Variants in EIF2D observed in about 807,000 individuals in gnomAD.
The protein encoded by EIF2D is hepatocellular carcinoma-associated antigen 56.
EIF2D carries 56 observed loss-of-function variants against 77.4 expected under a neutral mutation model. The observed-to-expected ratio is 0.72, with a 90% CI of 0.58 to 0.90. The LOEUF (loss-of-function observed/expected upper bound fraction) is 0.90. Among genes scored for constraint, EIF2D ranks in the 40% least tolerant of loss-of-function variants. EIF2D has a pLI of 0.00. For synonymous variants in EIF2D, 230 were observed against 271.0 expected, an observed-to-expected ratio of 0.85 and a Z score of 1.49; for missense variants, 574 against 706.5, an observed-to-expected ratio of 0.81 and a Z score of 2.13.
chr1:206,579,073 A>G lies in EIF2D; in HGVS notation c.*254+1619T>C, dbSNP rs1668767971. Reference sequence around the variant, plus strand: ...AACCCCTAGCACCCAGCCTCTTTACATGGCTGTTCCCCAATCACCTCCAGA... The same window carrying G: ...AACCCCTAGCACCCAGCCTCTTTACGTGGCTGTTCCCCAATCACCTCCAGA... On this transcript the variant is annotated intron_variant and NMD_transcript_variant, in intron 4 of 5. Coordinates refer to the EIF2D transcript ENST00000472709. The surrounding 1 kb of genome is among the most constrained non-coding windows in gnomAD (Gnocchi z 4.2). 1.3e-5 allele frequency among the ~76,000 whole-genome samples: 2 copies of G among 152,148 alleles called. No individual in the cohort carries two copies. Among genetic ancestry groups the G allele is most frequent in the Admixed American group, 6.5e-5 (1 of 15,284 alleles).
chr1:206,573,492 C>T (rs1027536550), intron 4 of EIF2D, among the ~76,000 whole-genome samples: 18 of 152,200 alleles, frequency 1.2e-4, no homozygotes, highest in African/African-American at 3.6e-4. Context: ...GCTTCTCTCA[C>T]GGAACTCAGT....
chr1:206,577,717 G>A (rs139283013), intron 4 of EIF2D, among the ~76,000 whole-genome samples: 1 of 152,326 alleles, frequency 6.6e-6, no homozygotes, highest in East Asian at 1.9e-4. Flanking sequence ...GAAATCCAAG[G>A]CTCACTGCAC....
In EIF2D at chr1:206,612,416, C is replaced by T. The variant is rs1230080647; in HGVS notation, c.-74G>A. On this transcript the variant is annotated 5_prime_UTR_variant, in exon 1 of 15. Coordinates refer to ENST00000271764, the MANE Select transcript of EIF2D (RefSeq NM_006893.3). ...AAGAAAGCGAGGGCGCAGCAGCTGC[C>T]AGGCCCTCAGCCGTGGGGGCAGCCA... 2.0e-5 allele frequency: 32 copies of T among 1,592,312 alleles called. No individual in the cohort carries two copies. Among genetic ancestry groups the T allele is most frequent in the South Asian group, 2.2e-5 (2 of 90,672 alleles).
intron 4 of EIF2D, among the ~76,000 whole-genome samples, chr1:206,605,776 C>T (rs543836565): frequency 6.6e-6 from 1 of 152,220 alleles, no homozygotes; most frequent in African/African-American, 2.4e-5. Flanking sequence ...TTGTTTTATT[C>T]CTGCTGTGAA....
At chr1:206,570,478 C>T (rs1336036559), downstream of EIF2D, among the ~76,000 whole-genome samples, 3 of 152,054 alleles carry the variant, frequency 2.0e-5, no homozygotes, top group African/African-American at 7.2e-5. Flanking sequence ...CATCCATTTC[C>T]AGAACTTTTG....
chr1:206,594,957 A>G (rs1318333140), intron 13 of EIF2D: 2 of 152,224 alleles, frequency 1.3e-5, no homozygotes, highest in African/African-American at 4.8e-5. Context: ...TTATATGCCA[A>G]GTACATTCTA....
chr1:206,599,593 G>C lies in EIF2D; in HGVS notation c.1072C>G (p.Pro358Ala). Residue 358 changes from proline to alanine, a missense_variant, in exon 10 of 15, where the codon CCC becomes GCC. Physicochemically the swap from Pro to Ala is conservative, Grantham distance 27. Transcript: ENST00000271764. This position sits in a 1 kb window ranked among gnomAD's most constrained non-coding sequence, Gnocchi z 4.1. ...GTCTGGGAGGTCGGGGAGGGCTCGGGTATGACGAAAGATGTAATCCTAAAA... is the reference window on the plus strand; with the variant it reads ...GTCTGGGAGGTCGGGGAGGGCTCGGCTATGACGAAAGATGTAATCCTAAAA... ...KHPRITSFVI[P>A]EPSPTSQTIQ... is the part of the protein sequence containing the mutation. The C allele has an allele frequency of 6.3e-7, 1 of 1,599,656 alleles. No individual in the cohort carries two copies. Among genetic ancestry groups the C allele is most frequent in the East Asian group, 2.2e-5 (1 of 44,740 alleles).
chr1:206,586,632 T>G, intron 2 of EIF2D: 1 of 576,332 alleles, frequency 1.7e-6, no homozygotes, highest in Non-Finnish European at 3.1e-6. Context: ...GATGCCAGCA[T>G]TTGGAATTTT....
chr1:206,606,854 G>A (rs1670224466), intron 4 of EIF2D, among the ~76,000 whole-genome samples: 1 of 152,190 alleles, frequency 6.6e-6, no homozygotes, highest in South Asian at 2.1e-4. Flanking sequence ...ATCATATCCA[G>A]TATTGGTGAG....
At chr1:206,583,622 C>T (rs1260317108) in intron 2 of EIF2D, 5 of 486,546 alleles carry the variant, frequency 1.0e-5, no homozygotes, top group African/African-American at 9.8e-5. Flanking sequence ...TCTTTTAACT[C>T]CTCCTCTGAG....
At chr1:206,605,289 A>C (rs4077413) in intron 5 of EIF2D, 111 bp downstream of exon 5, 158,742 of 620,638 alleles carry the variant, frequency 0.26, 20,962 homozygotes, top group Middle Eastern at 0.37. Flanking sequence ...TGGGCTTAGC[A>C]ACTTGCTTAA....
At chr1:206,593,508 A>T (rs75706892) in intron 14 of EIF2D, 111 bp downstream of exon 14, 116,385 of 398,024 alleles carry the variant, frequency 0.29, 19,192 homozygotes, top group Middle Eastern at 0.39. Context: ...AGAGAGAGAG[A>T]GTGTGTGTGT....
chr1:206,576,976 G>A (rs993593161), intron 4 of EIF2D, among the ~76,000 whole-genome samples: 1 of 103,830 alleles, frequency 9.6e-6, no homozygotes, highest in African/African-American at 3.8e-5. Context: ...GCTAATTTTT[G>A]TATTTTTTTT....
intron 2 of EIF2D, chr1:206,585,091 C>A (rs920934574): frequency 1.1e-6 from 1 of 900,570 alleles, no homozygotes; most frequent in Non-Finnish European, 1.8e-6. Flanking sequence ...GTACGTACCC[C>A]ACCTCTGCAT....
At chr1:206,583,256 G>A (rs1668965830) in intron 2 of EIF2D, 1 of 1,574,776 alleles carries the variant, frequency 6.4e-7, no homozygotes, top group Non-Finnish European at 8.7e-7. Context: ...CTCCACTTCT[G>A]TGTCTCTTCC....
downstream of EIF2D, chr1:206,586,853 C>T (rs1669138233): frequency 6.2e-7 from 1 of 1,613,920 alleles, no homozygotes. Context: ...CCCTGAACTT[C>T]AGAACTTCCT....
At chr1:206,598,511 T>G (rs1177930373) in intron 11 of EIF2D, among the ~76,000 whole-genome samples, 1 of 152,170 alleles carries the variant, frequency 6.6e-6, no homozygotes, top group Non-Finnish European at 1.5e-5. Context: ...GTATTGTGTA[T>G]GTCAAAATAG....
chr1:206,612,409 C>G lies in EIF2D; in HGVS notation c.-67G>C. 1 of 1,603,140 alleles carries G rather than the reference C, an allele frequency of 6.2e-7. No individual in the cohort carries two copies. Among genetic ancestry groups the G allele is most frequent in the Non-Finnish European group, 8.5e-7 (1 of 1,170,408 alleles). On this transcript the variant is annotated 5_prime_UTR_variant, in exon 1 of 15. Coordinates refer to ENST00000271764, the MANE Select transcript of EIF2D (RefSeq NM_006893.3). ...GAATGTCAAGAAAGCGAGGGCGCAG[C>G]AGCTGCCAGGCCCTCAGCCGTGGGG...
In EIF2D at chr1:206,599,056, C is replaced by G. The variant is rs782427652; in HGVS notation, c.1239G>C (p.Thr413=). Residue 413 remains threonine, a synonymous_variant, in exon 11 of 15, where the codon ACG becomes ACC. Coordinates refer to ENST00000271764, the MANE Select transcript of EIF2D (RefSeq NM_006893.3). This position sits in a 1 kb window ranked among gnomAD's most constrained non-coding sequence, Gnocchi z 4.1. ...GSFLEGSEVR[T]IVINYAKKND... ...TTTTCTTGGCGTAGTTAATGACGATCGTTCGGACCTCACTGCCCTCCAGAA... is the reference window on the plus strand; with the variant it reads ...TTTTCTTGGCGTAGTTAATGACGATGGTTCGGACCTCACTGCCCTCCAGAA... 1.2e-6 allele frequency: 2 copies of G among 1,614,152 alleles called. No homozygotes were observed. The highest frequency in any genetic ancestry group is 1.3e-5 in the African/African-American group (1 of 75,032).
Sources: allele counts gnomAD v4.1 joint callset (sites outside exome capture counted in the v4.1 genomes callset), GRCh38; gene constraint gnomAD v4.1.1; non-coding constraint Gnocchi (gnomAD v3.1); transcripts MANE v1.5; gene names NCBI Gene and HGNC (gene_info 2026-07-23, HGNC 2026-07-21).